The following KRT84 variants were observed in gnomAD, a reference collection of about 807,000 sequenced individuals.
KRT84 encodes keratin 84.
A neutral mutation model predicts 49.0 loss-of-function variants in KRT84; 38 were observed. That is an observed-to-expected ratio of 0.78 (90% CI 0.60 to 1.02). The LOEUF (loss-of-function observed/expected upper bound fraction) is 1.02. Among genes scored for constraint, KRT84 ranks in the 50% least tolerant of loss-of-function variants. The probability of loss-of-function intolerance (pLI) is 0.00; values close to 1 mark genes in which losing one functional copy is unlikely to be tolerated. For synonymous variants in KRT84, 334 were observed against 312.8 expected (o/e 1.07, Z -0.72); for missense variants, 860 against 788.6 (o/e 1.09, Z -1.08).
chr12:52,383,180 T>C (rs1939513459), intron 2 of KRT84, 115 bp from the exon 3 acceptor site: 1 of 829,494 alleles, frequency 1.2e-6, no homozygotes, highest in East Asian at 2.4e-5. Context: ...TGGTTCCCTA[T>C]TGCTATCTGA....
Position 52,377,940 on chromosome 12 carries a change from G to T in KRT84, c.*94C>A. 4 of 933,622 alleles carry T rather than the reference G, an allele frequency of 4.3e-6. No homozygotes were observed. Among genetic ancestry groups the T allele is most frequent in the Non-Finnish European group, 5.9e-6 (4 of 676,712 alleles). The allele number at this position is 933,622 out of a possible 1,614,324, so 57.8% of individuals were successfully genotyped here. On this transcript the variant is annotated 3_prime_UTR_variant, in exon 9 of 9. Transcript: ENST00000257951. ...CTTCCTGGCAGAAAGGGGAGCTGGAGACCGTCAAGCCCAGAGCCCACGAAC... is the reference window on the plus strand; with the variant it reads ...CTTCCTGGCAGAAAGGGGAGCTGGATACCGTCAAGCCCAGAGCCCACGAAC...
chr12:52,382,703 T>C (rs941737845), intron 3 of KRT84, among the ~76,000 whole-genome samples, 171 bp from the exon 4 acceptor site: 4 of 152,084 alleles, frequency 2.6e-5, no homozygotes, highest in Admixed American at 6.5e-5. Flanking sequence ...ATGCCAACAT[T>C]CCCCCAGGGG....
At chr12:52,378,412 C>T (rs142667368) in intron 8 of KRT84, 32 bp from the exon 9 acceptor site, 141 of 1,422,738 alleles carry the variant, frequency 9.9e-5, no homozygotes, top group Middle Eastern at 5.2e-4. Context: ...GGGAGGCTGC[C>T]GACACCAGGG....
Position 52,378,312 on chromosome 12 carries a change from G to C in KRT84, c.1525C>G (p.Arg509Gly). Residue 509 changes from arginine (R) to glycine (G), a missense_variant, in exon 9 of 9, where the codon CGC becomes GGC. By Grantham distance (125) the Arg-to-Gly change is moderately radical (BLOSUM62 -2). Coordinates refer to ENST00000257951, the MANE Select transcript of KRT84 (RefSeq NM_033045.4). ...EPLVAGSTLS[R>G]GGVTFSGSSS... ...CTACCTGAGAAGGTGACCCCGCCGC[G>C]GGAGAGGGTGGAGCCGGCAACCAAA... 1.3e-6 allele frequency: 2 copies of C among 1,536,106 alleles called. No individual in the cohort carries two copies. Among genetic ancestry groups the C allele is most frequent in the Admixed American group, 4.0e-5 (2 of 50,354 alleles).
At position 52,382,548 on chromosome 12, in the gene KRT84, A is replaced by T. The variant is rs770472695; in HGVS notation, c.817-16T>A. 6.3e-7 allele frequency: 1 copy of T among 1,597,548 alleles called. No individual in the cohort carries two copies. Among genetic ancestry groups the T allele is most frequent in the Non-Finnish European group, 8.6e-7 (1 of 1,165,016 alleles). On this transcript the variant is annotated splice_polypyrimidine_tract_variant and intron_variant, in intron 3 of 8. Coordinates refer to ENST00000257951, the MANE Select transcript of KRT84 (RefSeq NM_033045.4). Reference sequence around the variant, plus strand: ...CATCCACATCCTGTATAAAACAGAGAAGGATAAATACTCATCGCCTGGGCA... The same window carrying T: ...CATCCACATCCTGTATAAAACAGAGTAGGATAAATACTCATCGCCTGGGCA...
At chr12:52,383,917 C>T in intron 1 of KRT84, 119 bp from the exon 2 acceptor site, 1 of 788,498 alleles carries the variant, frequency 1.3e-6, no homozygotes, top group Non-Finnish European at 2.0e-6. Flanking sequence ...CTCTCCTCTG[C>T]TGACTTTCAT....
At position 52,378,025 on chromosome 12, in the gene KRT84, G is replaced by T; in HGVS notation, c.*9C>A. On this transcript the variant is annotated 3_prime_UTR_variant, in exon 9 of 9. Coordinates refer to ENST00000257951, the MANE Select transcript of KRT84 (RefSeq NM_033045.4). ...CTTCTCTGGGCAGCAGCTGTCTGGG[G>T]CTGGGCTCTCAGTACTTGGTCCGGC... is the stretch of plus-strand genomic sequence containing the variant. 2.1e-6 allele frequency: 3 copies of T among 1,450,696 alleles called. No homozygotes were observed. The highest frequency in any genetic ancestry group is 2.7e-6 in the Non-Finnish European group (3 of 1,101,912). The allele number at this position is 1,450,696 out of a possible 1,614,324, so 89.9% of individuals were successfully genotyped here. A position where few individuals can be genotyped will look rare whatever the true frequency, so the allele number is the denominator to read the frequency against.
At chr12:52,382,181 TCC>T (rs1939494970) in intron 4 of KRT84, among the ~76,000 whole-genome samples, 1 of 152,212 alleles carries the variant, frequency 6.6e-6, no homozygotes, top group African/African-American at 2.4e-5. Context: ...CATTTCTAGA[TCC>T]CAGTCTTTAA....
intron 8 of KRT84, among the ~76,000 whole-genome samples, chr12:52,378,688 G>A (rs565502683): frequency 1.1e-4 from 17 of 152,250 alleles, no homozygotes; most frequent in Non-Finnish European, 2.2e-4. Context: ...GTTGGGTTGT[G>A]AGATGTAGGT....
intron 8 of KRT84, among the ~76,000 whole-genome samples, chr12:52,378,615 C>T (rs146353098): frequency 6.0e-4 from 91 of 152,334 alleles, no homozygotes; most frequent in Non-Finnish European, 1.1e-3. Context: ...CGACTTCATC[C>T]AATTCCCCAG....
intron 2 of KRT84, 94 bp from the exon 3 acceptor site, chr12:52,383,159 G>T: frequency 1.0e-6 from 1 of 989,312 alleles, no homozygotes; most frequent in Non-Finnish European, 1.6e-6. Flanking sequence ...CTCTCAGTCT[G>T]TGCAGGATCA....
chr12:52,378,639 T>C (rs533431922), intron 8 of KRT84, among the ~76,000 whole-genome samples: 1 of 152,354 alleles, frequency 6.6e-6, no homozygotes, highest in South Asian at 2.1e-4. Context: ...TTTGCATGCA[T>C]CCATAGGTTG....
chr12:52,383,919 G>T, intron 1 of KRT84, 121 bp from the exon 2 acceptor site: 1 of 768,730 alleles, frequency 1.3e-6, no homozygotes, highest in Non-Finnish European at 2.1e-6. Flanking sequence ...CTCCTCTGCT[G>T]ACTTTCATTC....
chr12:52,382,607 G>C, intron 3 of KRT84, 75 bp from the exon 4 acceptor site: 3 of 1,183,648 alleles, frequency 2.5e-6, no homozygotes, highest in Non-Finnish European at 3.8e-6. Context: ...CTGGAGATGG[G>C]TGCAAAGAGG....
intron 2 of KRT84, 45 bp downstream of exon 2, chr12:52,383,545 C>G (rs1191575413): frequency 6.4e-7 from 1 of 1,555,958 alleles, no homozygotes; most frequent in South Asian, 1.1e-5. Context: ...ATTCTGGGGC[C>G]AGGCCTGGCC....
chr12:52,378,075 G>A lies in KRT84; in HGVS notation c.1762C>T (p.Arg588Cys), dbSNP rs758498357. Reference sequence around the variant, plus strand: ...CAGGAGGTGGTGGTGGACACAAAGCGGACGCTGGAGCTGCGGCCGCCGCTG... The same window carrying A: ...CAGGAGGTGGTGGTGGACACAAAGCAGACGCTGGAGCTGCGGCCGCCGCTG... ...SCSGGRSSSV[R>C]FVSTTTSCRT... is the part of the protein sequence containing the mutation. Residue 588 changes from arginine (R) to cysteine (C), a missense_variant, in exon 9 of 9, where the codon CGC becomes TGC. Physicochemically the swap from Arg to Cys is radical, Grantham distance 180. Transcript: ENST00000257951. 24 of 1,495,718 alleles carry A rather than the reference G, an allele frequency of 1.6e-5. No homozygotes were observed. The highest frequency in any genetic ancestry group is 2.0e-4 in the Middle Eastern group (1 of 5,054). 92.7% of individuals were successfully genotyped at this position (1,495,718 alleles called of 1,614,324 possible). A position where few individuals can be genotyped will look rare whatever the true frequency, so the allele number is the denominator to read the frequency against.
At chr12:52,379,455 C>A (rs1018427300) in intron 8 of KRT84, among the ~76,000 whole-genome samples, 1 of 152,224 alleles carries the variant, frequency 6.6e-6, no homozygotes, top group African/African-American at 2.4e-5. Context: ...TTGGGTACAA[C>A]CCATGCTTCG....
chr12:52,380,455 C>T lies in KRT84; in HGVS notation c.1332G>A (p.Gln444=). ...LQQAKQDMAR[Q]LCEYQELMNA... ...TCATCAGCTCCTGGTACTCGCACAG[C>T]TGCCGCGCCATGTCCTGCTTGGCCT... The change falls in exon 7 of 9, where the codon CAG becomes CAA. Residue 444 remains glutamine, a synonymous_variant. Transcript: ENST00000257951. The T allele has an allele frequency of 6.2e-7, 1 of 1,614,226 alleles. No individual in the cohort carries two copies. Among genetic ancestry groups the T allele is most frequent in the Non-Finnish European group, 8.5e-7 (1 of 1,180,020 alleles).
chr12:52,379,581 C>T (rs567366229), intron 8 of KRT84, among the ~76,000 whole-genome samples: 1 of 152,342 alleles, frequency 6.6e-6, no homozygotes, highest in East Asian at 1.9e-4. Flanking sequence ...CTTCTAAGTC[C>T]TTCTAAGTTC....
Sources: gnomAD v4.1 joint callset for allele counts (sites outside exome capture counted in the v4.1 genomes callset) on GRCh38, gnomAD v4.1.1 for gene constraint, MANE v1.5 for transcripts, NCBI Gene and HGNC (gene_info 2026-07-23, HGNC 2026-07-21) for gene names.